TRPC6: variants seen among roughly 807,000 people sequenced by gnomAD.
TRPC6 encodes the protein short transient receptor potential channel 6.
Under a neutral mutation model 90.7 loss-of-function variants are expected in TRPC6, and 55 were observed. The observed-to-expected ratio is 0.61, with a 90% CI of 0.49 to 0.76. The LOEUF is 0.76. Ranked by LOEUF, TRPC6 falls within the 30% of genes least tolerant of loss-of-function variation. The pLI is 0.00. For synonymous variants in TRPC6, 393 were observed against 393.0 expected (o/e 1.00, Z 0.00); for missense variants, 989 against 1,122.7 (o/e 0.88, Z 1.70).
chr11:101,566,016 C>T (rs774056661), intron 1 of TRPC6, among the ~76,000 whole-genome samples: 11 of 152,096 alleles, frequency 7.2e-5, no homozygotes, highest in Non-Finnish European at 1.0e-4. Flanking sequence ...TAATATCTTT[C>T]GCCATAAGTT....
chr11:101,459,940 T>C (rs558038288), intron 10 of TRPC6, among the ~76,000 whole-genome samples: 2 of 152,192 alleles, frequency 1.3e-5, no homozygotes, highest in African/African-American at 2.4e-5. Flanking sequence ...TGTGATGGGT[T>C]GTACAACTTG....
Position 101,558,452 on chromosome 11 carries a change from C to T in TRPC6, c.170+24882G>A, listed in dbSNP as rs1046704782. On this transcript the variant is annotated intron_variant, in intron 1 of 12. Coordinates refer to ENST00000344327, the MANE Select transcript of TRPC6 (RefSeq NM_004621.6). ...CTACATATATACATATATATACACA[C>T]GCACACATACACACACACACACACA... 8.3e-3 allele frequency among the ~76,000 whole-genome samples: 284 copies of T among 34,388 alleles called. 75 individuals carry two copies. The highest frequency in any genetic ancestry group is 0.022 in the African/African-American group (264 of 12,210). 22.6% of individuals were successfully genotyped at this position (34,388 alleles called of 152,430 possible).
intron 11 of TRPC6, among the ~76,000 whole-genome samples, chr11:101,454,726 T>C (rs1858844718): frequency 6.6e-6 from 1 of 152,096 alleles, no homozygotes; most frequent in South Asian, 2.1e-4. Context: ...TGGTGGAATC[T>C]GACATGAATT....
intron 1 of TRPC6, among the ~76,000 whole-genome samples, chr11:101,542,162 T>G (rs1861187867): frequency 6.6e-6 from 1 of 152,220 alleles, no homozygotes; most frequent in Non-Finnish European, 1.5e-5. Flanking sequence ...CTATAGTGTT[T>G]TGACTATTGT....
At chr11:101,557,387 G>A (rs1861583957) in intron 1 of TRPC6, among the ~76,000 whole-genome samples, 1 of 151,856 alleles carries the variant, frequency 6.6e-6, no homozygotes, top group Non-Finnish European at 1.5e-5. Context: ...AATATGAGAA[G>A]CCCACAGCTA....
At chr11:101,568,758 A>G (rs11606771) in intron 1 of TRPC6, among the ~76,000 whole-genome samples, 57,438 of 152,022 alleles carry the variant, frequency 0.38, 11,525 homozygotes, top group Non-Finnish European at 0.46. Flanking sequence ...ATATCCAGCC[A>G]AACTAAGCTT....
intron 5 of TRPC6, 102 bp from the exon 6 acceptor site, chr11:101,476,636 C>T (rs1859424272): frequency 1.8e-6 from 2 of 1,121,070 alleles, no homozygotes; most frequent in Non-Finnish European, 2.6e-6. Flanking sequence ...CATTACAAAA[C>T]CCTTCAAAAT....
intron 5 of TRPC6, 132 bp downstream of exon 5, chr11:101,482,817 A>G: frequency 1.0e-6 from 1 of 984,264 alleles, no homozygotes; most frequent in Non-Finnish European, 1.6e-6. Flanking sequence ...AGGAACACAA[A>G]GAAAATTATG....
chr11:101,532,887 G>T (rs2136801775), intron 1 of TRPC6, among the ~76,000 whole-genome samples: 1 of 152,256 alleles, frequency 6.6e-6, no homozygotes. Context: ...GGCAGCCTCA[G>T]ATCCTTCTTC....
At chr11:101,523,082 T>A (rs1384203751) in intron 1 of TRPC6, among the ~76,000 whole-genome samples, 4 of 152,218 alleles carry the variant, frequency 2.6e-5, no homozygotes, top group Non-Finnish European at 5.9e-5. Context: ...TATGATCCCA[T>A]GAATTTAAAA....
At chr11:101,496,956 A>G (rs1449449325) in intron 2 of TRPC6, among the ~76,000 whole-genome samples, 1 of 152,216 alleles carries the variant, frequency 6.6e-6, no homozygotes, top group Admixed American at 6.5e-5. Flanking sequence ...AATAGACTCA[A>G]TATCCTTCAA....
intron 5 of TRPC6, among the ~76,000 whole-genome samples, chr11:101,477,740 T>G (rs772736445): frequency 1.3e-5 from 2 of 152,232 alleles, no homozygotes; most frequent in Non-Finnish European, 2.9e-5. Context: ...TGGATTGTTA[T>G]GAGGCTTAAA....
At chr11:101,463,423 T>C (rs995361672) in intron 10 of TRPC6, among the ~76,000 whole-genome samples, 1 of 152,226 alleles carries the variant, frequency 6.6e-6, no homozygotes, top group Non-Finnish European at 1.5e-5. Flanking sequence ...AATCTGGCTA[T>C]GAATCTATCT....
At chr11:101,518,368 C>T (rs1002060131) in intron 1 of TRPC6, among the ~76,000 whole-genome samples, 5 of 151,928 alleles carry the variant, frequency 3.3e-5, no homozygotes, top group South Asian at 4.2e-4. Flanking sequence ...ATAATCTAAT[C>T]GAAAAATAGG....
intron 7 of TRPC6, among the ~76,000 whole-genome samples, chr11:101,472,664 T>C (rs1400498240): frequency 6.6e-6 from 1 of 152,152 alleles, no homozygotes; most frequent in East Asian, 1.9e-4. Context: ...TCCTTTTAGG[T>C]TTCCTCCTGA....
chr11:101,472,343 A>C lies in TRPC6; in HGVS notation c.2010-11T>G. The C allele has an allele frequency of 6.2e-7, 1 of 1,609,760 alleles. No homozygotes were observed. Among genetic ancestry groups the C allele is most frequent in the Middle Eastern group, 1.7e-4 (1 of 6,040 alleles). On this transcript the variant is annotated splice_polypyrimidine_tract_variant and intron_variant, in intron 7 of 12. Transcript: ENST00000344327. ...AAACTCTCTTCAACTCTGGGGAAAAAATAACAGAAGAAAAGAAATAAGAAA... is the reference window on the plus strand; with the variant it reads ...AAACTCTCTTCAACTCTGGGGAAAACATAACAGAAGAAAAGAAATAAGAAA...
intron 12 of TRPC6, 88 bp downstream of exon 12, chr11:101,453,562 C>A (rs192795469): frequency 2.4e-6 from 3 of 1,225,820 alleles, no homozygotes; most frequent in Non-Finnish European, 3.6e-6. Context: ...TCTCCCTGTA[C>A]GCATCTCTGC....
chr11:101,553,986 T>C (rs34051918), intron 1 of TRPC6, among the ~76,000 whole-genome samples: 11,182 of 152,158 alleles, frequency 0.073, 560 homozygotes, highest in Non-Finnish European at 0.11. Flanking sequence ...ATTTCACACA[T>C]GCTTTAAATG....
chr11:101,502,361 T>C (rs1230215651), intron 2 of TRPC6, among the ~76,000 whole-genome samples: 3 of 152,194 alleles, frequency 2.0e-5, no homozygotes, highest in South Asian at 4.1e-4. Context: ...GAGGACAGGA[T>C]TGCTGACTGA....
Sources: gnomAD v4.1 joint callset for allele counts (sites outside exome capture counted in the v4.1 genomes callset) on GRCh38, gnomAD v4.1.1 for gene constraint, MANE v1.5 for transcripts, NCBI Gene and HGNC (gene_info 2026-07-23, HGNC 2026-07-21) for gene names.